The following CADPS variants were observed in gnomAD, a reference collection of about 807,000 sequenced individuals.
CADPS encodes calcium dependent secretion activator, also known as calcium-dependent secretion activator 1.
Under a neutral mutation model 167.3 loss-of-function variants are expected in CADPS, and 57 were observed. The observed-to-expected ratio is 0.34, with a 90% CI of 0.28 to 0.42. The LOEUF (loss-of-function observed/expected upper bound fraction) is 0.42. CADPS is among the 20% of genes least tolerant of loss of function. CADPS has a pLI of 1.00. For synonymous variants in CADPS, 676 were observed against 635.3 expected, an observed-to-expected ratio of 1.06 and a Z score of -0.96; for missense variants, 1,414 against 1,738.1, an observed-to-expected ratio of 0.81 and a Z score of 3.32.
chr3:62,559,561 C>G (rs991250655), intron 9 of CADPS, among the ~76,000 whole-genome samples: 5 of 151,554 alleles, frequency 3.3e-5, no homozygotes, highest in Non-Finnish European at 5.9e-5. Context: ...ATGGCATGAT[C>G]TTGGCTCACG....
intron 7 of CADPS, among the ~76,000 whole-genome samples, chr3:62,591,690 G>A (rs1441052813): frequency 1.3e-5 from 2 of 152,124 alleles, no homozygotes; most frequent in Non-Finnish European, 2.9e-5. Flanking sequence ...CAATGGTTCA[G>A]ATGCAAACAG....
chr3:62,779,807 G>A, intron 1 of CADPS: 1 of 253,882 alleles, frequency 3.9e-6, no homozygotes, highest in Non-Finnish European at 7.7e-6. Context: ...CATTCAGTGA[G>A]AAGGAAACTA....
intron 1 of CADPS, among the ~76,000 whole-genome samples, chr3:62,847,259 TTC>T (rs1311064515): frequency 6.4e-5 from 7 of 109,798 alleles, no homozygotes; most frequent in African/African-American, 1.9e-4. Context: ...CAGCAGCATT[TTC>T]TTTTTTTTTT....
At chr3:62,829,031 T>C (rs898226837) in intron 1 of CADPS, among the ~76,000 whole-genome samples, 1 of 152,162 alleles carries the variant, frequency 6.6e-6, no homozygotes, top group Non-Finnish European at 1.5e-5. Flanking sequence ...GGGCTAATTA[T>C]CCAAGAAAAG....
chr3:62,778,761 C>T (rs954722597), intron 1 of CADPS, among the ~76,000 whole-genome samples: 1 of 152,132 alleles, frequency 6.6e-6, no homozygotes, highest in Non-Finnish European at 1.5e-5. Flanking sequence ...AGAGCCATTG[C>T]AAGAAACACT....
intron 2 of CADPS, among the ~76,000 whole-genome samples, chr3:62,760,821 G>A (rs139224746): frequency 3.3e-5 from 5 of 152,214 alleles, no homozygotes; most frequent in South Asian, 2.1e-4. Flanking sequence ...ATAACTAAAC[G>A]TCTTCTTGCA....
intron 1 of CADPS, among the ~76,000 whole-genome samples, chr3:62,773,336 T>C (rs76275742): frequency 0.023 from 3,456 of 152,266 alleles, 65 homozygotes; most frequent in South Asian, 0.061. Flanking sequence ...TGTATATTTA[T>C]GTAACATACT....
chr3:62,463,151 G>T (rs1012997514), intron 26 of CADPS, among the ~76,000 whole-genome samples: 1 of 152,192 alleles, frequency 6.6e-6, no homozygotes, highest in East Asian at 1.9e-4. Context: ...TGCATAGGAT[G>T]CTCTGGGTGT....
Position 62,744,662 on chromosome 3 carries a change from T to C in CADPS, c.888+8779A>G, listed in dbSNP as rs538152385. Reference sequence around the variant, plus strand: ...ATTTTTGTATGTATCTTTCTGAAAGTATACCTCTTTAACATCTCTGATTAC... The same window carrying C: ...ATTTTTGTATGTATCTTTCTGAAAGCATACCTCTTTAACATCTCTGATTAC... On this transcript the variant is annotated intron_variant, in intron 3 of 29. Transcript: ENST00000383710. Among the ~76,000 whole-genome samples the C allele has an allele frequency of 6.6e-5, 10 of 152,342 alleles. No individual in the cohort carries two copies. The South Asian group carries it at 2.1e-3, about 32-fold the overall frequency.
intron 6 of CADPS, among the ~76,000 whole-genome samples, chr3:62,613,035 C>T (rs894747527): frequency 2.6e-5 from 4 of 152,138 alleles, no homozygotes; most frequent in African/African-American, 9.7e-5. Context: ...CAGAGAATGA[C>T]TGAGGCAGGA....
intron 6 of CADPS, among the ~76,000 whole-genome samples, chr3:62,639,001 G>A (rs908045533): frequency 3.9e-5 from 6 of 151,980 alleles, no homozygotes; most frequent in African/African-American, 1.2e-4. Context: ...CCTTCCCACT[G>A]TCTATCCTAC....
Position 62,868,284 on chromosome 3 carries a change from T to C in CADPS, c.441+6305A>G, listed in dbSNP as rs537826798. Among the ~76,000 whole-genome samples, 39 of 152,062 alleles carry C rather than the reference T, an allele frequency of 2.6e-4. 1 individual carries two copies. The highest frequency in any genetic ancestry group is 3.2e-3 in the Middle Eastern group (1 of 316). On this transcript the variant is annotated intron_variant, in intron 1 of 29. Transcript: ENST00000383710. ...CAGATCAGTGATACTTGTTAAGCAA[T>C]TGTAAAAGGAGATGGTGTTGGCAAG...
intron 7 of CADPS, among the ~76,000 whole-genome samples, chr3:62,590,666 A>G (rs922962735): frequency 4.6e-5 from 7 of 152,222 alleles, no homozygotes; most frequent in Non-Finnish European, 8.8e-5. Context: ...AAAAGGAAGC[A>G]CAGGAGATGA....
intron 26 of CADPS, among the ~76,000 whole-genome samples, chr3:62,449,999 C>A (rs1257403557): frequency 6.6e-6 from 1 of 152,172 alleles, no homozygotes; most frequent in African/African-American, 2.4e-5. Flanking sequence ...AAGGGTTCAA[C>A]TAAATGTAGC....
At chr3:62,804,879 G>A (rs1373159368) in intron 1 of CADPS, among the ~76,000 whole-genome samples, 2 of 152,156 alleles carry the variant, frequency 1.3e-5, no homozygotes, top group East Asian at 1.9e-4. Flanking sequence ...ATAATGGGAA[G>A]AGGAGGACAA....
intron 1 of CADPS, among the ~76,000 whole-genome samples, chr3:62,784,007 A>G (rs540552956): frequency 2.0e-4 from 31 of 152,230 alleles, no homozygotes; most frequent in Non-Finnish European, 2.2e-4. Flanking sequence ...ACCATTTCCT[A>G]TGAAACTTAA....
intron 2 of CADPS, among the ~76,000 whole-genome samples, chr3:62,760,776 T>G (rs1307714721): frequency 6.6e-6 from 1 of 152,174 alleles, no homozygotes; most frequent in African/African-American, 2.4e-5. Context: ...GTGACCTGAT[T>G]TATACTCCTC....
At chr3:62,547,206 C>T (rs1020250525) in intron 11 of CADPS, among the ~76,000 whole-genome samples, 5 of 152,100 alleles carry the variant, frequency 3.3e-5, no homozygotes, top group Non-Finnish European at 5.9e-5. Context: ...AACCATGGGA[C>T]GGCTGGGATC....
At chr3:62,769,599 C>T (rs556542047) in intron 1 of CADPS, among the ~76,000 whole-genome samples, 27 of 152,310 alleles carry the variant, frequency 1.8e-4, no homozygotes, top group African/African-American at 6.3e-4. Context: ...GGACATTTCA[C>T]ATGTACACAT....
Sources: gnomAD v4.1 joint callset for allele counts (sites outside exome capture counted in the v4.1 genomes callset) on GRCh38, gnomAD v4.1.1 for gene constraint, MANE v1.5 for transcripts, NCBI Gene and HGNC (gene_info 2026-07-23, HGNC 2026-07-21) for gene names.